FLG: variants seen among roughly 807,000 people sequenced by gnomAD.
FLG encodes the protein filaggrin.
FLG carries 6 observed loss-of-function variants against 3.8 expected under a neutral mutation model. That is an observed-to-expected ratio of 1.60 (90% CI 0.87 to 3.15). FLG has a LOEUF of 3.15. Ranked by LOEUF, FLG falls within the 30% of genes most tolerant of loss-of-function variation. The pLI, the probability that FLG is intolerant of heterozygous loss-of-function variation, is 0.00. For synonymous variants in FLG, 2,551 were observed against 1,931.6 expected (o/e 1.32, Z -8.41); for missense variants, 7,595 against 5,050.9 (o/e 1.50, Z -15.27).
chr1:152,314,352 A>G lies in FLG; in HGVS notation c.534T>C (p.His178=). The change falls in exon 3 of 3, where the codon CAT becomes CAC. Residue 178 remains histidine (H), a synonymous_variant. Coordinates refer to ENST00000368799, the MANE Select transcript of FLG (RefSeq NM_002016.2). The part of the protein sequence containing the change: ...HREEEYGKNH[H]NSSKKEKNKT... ...TGTTTTTCTCTTTTTTACTTGAGTT[A>G]TGATGGTTTTTTCCATATTCTTCTT... 6.2e-7 allele frequency: 1 copy of G among 1,612,312 alleles called. No individual in the cohort carries two copies. Among genetic ancestry groups the G allele is most frequent in the Non-Finnish European group, 8.5e-7 (1 of 1,179,438 alleles).
Position 152,314,026 on chromosome 1 carries a change from G to A in FLG, c.860C>T (p.Ser287Phe). Reference protein sequence around the residue: ...ENTSQVPLQESRTRKRRGSRV... With the variant: ...ENTSQVPLQEFRTRKRRGSRV... Reference sequence around the variant, plus strand: ...GGATCCCCTACGCTTTCTTGTCCTGGACTCCTGCAATGGTACCTGGCTTGT... The same window carrying A: ...GGATCCCCTACGCTTTCTTGTCCTGAACTCCTGCAATGGTACCTGGCTTGT... The change falls in exon 3 of 3, where the codon TCC (serine) becomes TTC (phenylalanine). Residue 287 changes from serine to phenylalanine, a missense_variant. Physicochemically the swap from Ser to Phe is radical, Grantham distance 155 (BLOSUM62 -2). Coordinates refer to ENST00000368799, the MANE Select transcript of FLG (RefSeq NM_002016.2). 6.2e-7 allele frequency: 1 copy of A among 1,614,110 alleles called. No homozygotes were observed. Among genetic ancestry groups the A allele is most frequent in the Non-Finnish European group, 8.5e-7 (1 of 1,180,010 alleles).
In FLG at chr1:152,308,552, C is replaced by A. The variant is rs780393149; in HGVS notation, c.6334G>T (p.Gly2112Ter). The A allele has an allele frequency of 5.6e-6, 9 of 1,613,936 alleles. No homozygotes were observed. The highest frequency in any genetic ancestry group is 1.7e-5 in the Admixed American group (1 of 59,984). Residue 2112 changes from glycine to a stop codon, truncating the protein, a stop_gained, in exon 3 of 3, where the codon GGA (glycine) becomes TGA (stop). Coordinates refer to ENST00000368799, the MANE Select transcript of FLG (RefSeq NM_002016.2). LOFTEE classifies it low-confidence loss of function (END_TRUNC). ...STHGQSAPST[G>*]GRQGSHYDQA... is the part of the protein sequence containing the mutation. ...TCATAATGGGATCCTTGTCTTCCTC[C>A]AGTGCTGGGCGCAGACTGTCCATGG...
Position 152,312,661 on chromosome 1 carries a change from G to A in FLG, c.2225C>T (p.Ser742Phe), listed in dbSNP as rs3120654. The part of the protein sequence containing the change: ...SAVRDSGHRG[S>F]SGSQATDSEG... ...ACTGTCAGTGGCCTGACTACCACTG[G>A]ACCCTCGGTGTCCACTGTCTCTGAC... The change falls in exon 3 of 3, where the codon TCC becomes TTC. Residue 742 changes from serine to phenylalanine, a missense_variant. Physicochemically the swap from Ser to Phe is radical, Grantham distance 155. Coordinates refer to ENST00000368799, the MANE Select transcript of FLG (RefSeq NM_002016.2). 2 of 1,613,688 alleles carry A rather than the reference G, an allele frequency of 1.2e-6. No homozygotes were observed. Among genetic ancestry groups the A allele is most frequent in the South Asian group, 2.2e-5 (2 of 91,068 alleles).
In FLG at chr1:152,309,925, C is replaced by G; in HGVS notation, c.4961G>C (p.Gly1654Ala). The G allele has an allele frequency of 3.1e-6, 5 of 1,614,112 alleles. No individual in the cohort carries two copies. The highest frequency in any genetic ancestry group is 3.3e-4 in the Middle Eastern group (2 of 6,062). Residue 1654 changes from glycine (G) to alanine (A), a missense_variant, in exon 3 of 3, where the codon GGC becomes GCC. Transcript: ENST00000368799. ...GHSAESSRQSGTRHAETSSGG... is the reference protein window; with the variant it reads ...GHSAESSRQSATRHAETSSGG... ...AGAGGAAGTCTCTGCATGACGAGTG[C>G]CTGATTGTCTGGAGCTCTCTGCAGA...
Position 152,304,671 on chromosome 1 carries a change from G to T in FLG, c.10215C>A (p.Thr3405=). The T allele has an allele frequency of 6.2e-7, 1 of 1,611,880 alleles. No homozygotes were observed. ...QSESAHGRTR[T]STGRRQGSHH... Reference sequence around the variant, plus strand: ...GGGATCCTTGTCTTCGTCCAGTGCTGGTCCTGGTCCGCCCATGGGCAGACT... The same window carrying T: ...GGGATCCTTGTCTTCGTCCAGTGCTTGTCCTGGTCCGCCCATGGGCAGACT... The change falls in exon 3 of 3, where the codon ACC becomes ACA. Residue 3405 remains threonine (T), a synonymous_variant. Coordinates refer to ENST00000368799, the MANE Select transcript of FLG (RefSeq NM_002016.2).
Position 152,313,490 on chromosome 1 carries a change from C to G in FLG, c.1396G>C (p.Gly466Arg). The stretch of plus-strand genomic sequence containing the variant: ...GTGCTCACCTGGTAGAGGGAAGACC[C>G]TGAACGTCCAGACCGTTCCCCTGAC... ...GRSGERSGRS[G>R]SSLYQVSTHE... Residue 466 changes from glycine (G) to arginine (R), a missense_variant, in exon 3 of 3, where the codon GGG (glycine) becomes CGG (arginine). By Grantham distance (125) the Gly-to-Arg change is moderately radical (BLOSUM62 -2). Coordinates refer to ENST00000368799, the MANE Select transcript of FLG (RefSeq NM_002016.2). The G allele has an allele frequency of 6.2e-7, 1 of 1,613,880 alleles. No individual in the cohort carries two copies.
rs151027314 is a variant in FLG at position 152,304,641 on chromosome 1, G to A, written c.10245C>T (p.His3415=). The part of the protein sequence containing the change: ...TSTGRRQGSH[H]EQARDSSRHS... Reference sequence around the variant, plus strand: ...GCCTGGAGCTGTCTCGTGCCTGCTCGTGGTGGGATCCTTGTCTTCGTCCAG... The same window carrying A: ...GCCTGGAGCTGTCTCGTGCCTGCTCATGGTGGGATCCTTGTCTTCGTCCAG... The change falls in exon 3 of 3, where the codon CAC becomes CAT. Residue 3415 remains histidine, a synonymous_variant. Coordinates refer to ENST00000368799, the MANE Select transcript of FLG (RefSeq NM_002016.2). 7.6e-5 allele frequency: 122 copies of A among 1,612,502 alleles called. 6 individuals are homozygous for A. The East Asian group carries it at 1.3e-3, about 17-fold the overall frequency.
Position 152,303,370 on chromosome 1 carries a change from C to T in FLG, c.11516G>A (p.Ser3839Asn). 6.2e-7 allele frequency: 1 copy of T among 1,614,168 alleles called. No individual in the cohort carries two copies. The highest frequency in any genetic ancestry group is 8.5e-7 in the Non-Finnish European group (1 of 1,180,022). The change falls in exon 3 of 3, where the codon AGC (serine) becomes AAC (asparagine). Residue 3839 changes from serine to asparagine, a missense_variant. Transcript: ENST00000368799. Reference sequence around the variant, plus strand: ...CTGGCCGGACTGTGAGTGTCTAGAGCTGTCAGCCTGAGTGGAAGCTTCATG... The same window carrying T: ...CTGGCCGGACTGTGAGTGTCTAGAGTTGTCAGCCTGAGTGGAAGCTTCATG... ...RHHEASTQAD[S>N]SRHSQSGQGE...
chr1:152,303,629 C>A lies in FLG; in HGVS notation c.11257G>T (p.Glu3753Ter), dbSNP rs1285530140. The A allele has an allele frequency of 2.5e-6, 4 of 1,613,656 alleles. No homozygotes were observed. The highest frequency in any genetic ancestry group is 1.3e-5 in the African/African-American group (1 of 74,798). Residue 3753 changes from glutamate to a stop codon, truncating the protein, a stop_gained, in exon 3 of 3, where the codon GAG becomes TAG. Transcript: ENST00000368799. LOFTEE classifies it low-confidence loss of function (END_TRUNC). ...TGTCCACGAATGGTGTCCTGACCCT[C>A]TTGGGACGCTGAGTGCCTGGAGCTG... is the stretch of plus-strand genomic sequence containing the variant. ...RDSSRHSASQ[E>*]GQDTIRGHPG...
At position 152,312,596 on chromosome 1, in the gene FLG, C is replaced by G. The variant is rs747157296; in HGVS notation, c.2290G>C (p.Gly764Arg). The change falls in exon 3 of 3, where the codon GGC becomes CGC. Residue 764 changes from glycine (G) to arginine (R), a missense_variant. Physicochemically the swap from Gly to Arg is moderately radical, Grantham distance 125. Transcript: ENST00000368799. The part of the protein sequence containing the change: ...SEDSDTQSVS[G>R]HGQAGHHQQS... ...TGATGGTGACCAGCCTGTCCATGGC[C>G]TGACACTGACTGTGTGTCTGAGTCT... 1.2e-6 allele frequency: 2 copies of G among 1,613,500 alleles called. No individual in the cohort carries two copies. The highest frequency in any genetic ancestry group is 8.5e-7 in the Non-Finnish European group (1 of 1,179,874).
At position 152,311,503 on chromosome 1, in the gene FLG, T is replaced by A. The variant is rs764056951; in HGVS notation, c.3383A>T (p.Glu1128Val). 21 of 1,613,812 alleles carry A rather than the reference T, an allele frequency of 1.3e-5. No homozygotes were observed. The South Asian group carries it at 2.0e-4, about 15-fold the overall frequency. ...IYQVSTHEQS[E>V]SAHGRTRTST... The stretch of plus-strand genomic sequence containing the variant: ...GGTCCTGGTCCGCCCATGGGCAGAC[T>A]CAGACTGTTCATGAGTGCTCACCTG... Residue 1128 changes from glutamate (E) to valine (V), a missense_variant, in exon 3 of 3, where the codon GAG (glutamate) becomes GTG (valine). By Grantham distance (121) the Glu-to-Val change is moderately radical. Coordinates refer to ENST00000368799, the MANE Select transcript of FLG (RefSeq NM_002016.2).
Position 152,310,211 on chromosome 1 carries a change from A to T in FLG, c.4675T>A (p.Ser1559Thr), listed in dbSNP as rs201799900. ...QSGDGSRHSGSRHHEPSTRAG... is the reference protein window; with the variant it reads ...QSGDGSRHSGTRHHEPSTRAG... ...CGAGTGGAAGGTTCATGGTGACGTGACCCTGAGTGCCTGGAGCCGTCTCCT... is the reference window on the plus strand; with the variant it reads ...CGAGTGGAAGGTTCATGGTGACGTGTCCCTGAGTGCCTGGAGCCGTCTCCT... The change falls in exon 3 of 3, where the codon TCA becomes ACA. Residue 1559 changes from serine (S) to threonine (T), a missense_variant. Physicochemically the swap from Ser to Thr is moderately conservative, Grantham distance 58 (BLOSUM62 1). Transcript: ENST00000368799. 1.2e-6 allele frequency: 2 copies of T among 1,613,102 alleles called. No homozygotes were observed. The highest frequency in any genetic ancestry group is 2.2e-5 in the East Asian group (1 of 44,788).
rs150630644 is a variant in FLG, at chr1:152,302,748, C to T, written c.12138G>A (p.Ser4046=). ...GTGACTGACTAAATCCCAGTTGTTT[C>T]GATATATCACTAGAATGGCCACATA... The part of the protein sequence containing the change: ...PGLCGHSSDI[S]KQLGFSQSQR... Residue 4046 remains serine, a synonymous_variant, in exon 3 of 3, where the codon TCG becomes TCA. Transcript: ENST00000368799. 38 of 1,614,008 alleles carry T rather than the reference C, an allele frequency of 2.4e-5. 1 individual carries two copies. The Middle Eastern group carries it at 6.6e-4, about 28-fold the overall frequency.
Position 152,314,528 on chromosome 1 carries a change from C to G in FLG, c.358G>C (p.Glu120Gln). The G allele has an allele frequency of 6.2e-7, 1 of 1,612,956 alleles. No individual in the cohort carries two copies. Among genetic ancestry groups the G allele is most frequent in the Non-Finnish European group, 8.5e-7 (1 of 1,179,740 alleles). Residue 120 changes from glutamate (E) to glutamine (Q), a missense_variant, in exon 3 of 3, where the codon GAA becomes CAA. Glu to Gln is a conservative substitution (Grantham distance 29, BLOSUM62 2). Transcript: ENST00000368799. ...AGACTTGAGGGTCTTTTTCTGTTTT[C>G]TTTGTTTTCTTCCTGTTTATTATCT... ...HEDNKQEENKENRKRPSSLER... is the reference protein window; with the variant it reads ...HEDNKQEENKQNRKRPSSLER...
chr1:152,308,425 T>C lies in FLG; in HGVS notation c.6461A>G (p.Gln2154Arg), dbSNP rs150393126. 7.4e-5 allele frequency: 120 copies of C among 1,613,768 alleles called. No individual in the cohort carries two copies. The highest frequency in any genetic ancestry group is 9.2e-5 in the Non-Finnish European group (109 of 1,179,916). ...PSRGGRQGSH[Q>R]EQSVDRSGHS... ...TCCAGACCTATCTACCGATTGCTCT[T>C]GGTGGGACCCCTGTCTTCCTCCTCT... The change falls in exon 3 of 3, where the codon CAA becomes CGA. Residue 2154 changes from glutamine (Q) to arginine (R), a missense_variant. Physicochemically the swap from Gln to Arg is conservative, Grantham distance 43 (BLOSUM62 1). Transcript: ENST00000368799.
rs775644698 is a variant in FLG, at chr1:152,311,808, T to C, written c.3078A>G (p.Arg1026=). ...GQAASSHEQA[R]SSPGERHGSR... ...ATCCGTGTCTTTCTCCTGGACTTGA[T>C]CTTGCCTGTTCATGGGATGACGCAG... is the stretch of plus-strand genomic sequence containing the variant. Residue 1026 remains arginine (R), a synonymous_variant, in exon 3 of 3, where the codon AGA becomes AGG. Coordinates refer to ENST00000368799, the MANE Select transcript of FLG (RefSeq NM_002016.2). The C allele has an allele frequency of 6.2e-7, 1 of 1,613,918 alleles. No homozygotes were observed. Among genetic ancestry groups the C allele is most frequent in the East Asian group, 2.2e-5 (1 of 44,870 alleles).
At position 152,307,556 on chromosome 1, in the gene FLG, T is replaced by C. The variant is rs71625200; in HGVS notation, c.7330A>G (p.Lys2444Glu). The C allele has an allele frequency of 0.2, 323,975 of 1,613,026 alleles. 42,524 individuals carry two copies. The highest frequency in any genetic ancestry group is 0.61 in the East Asian group (27,093 of 44,708). ...TGCCTGGAGCTGTCTCGTGCCTGCT[T>C]GTGGTGGGATCCTTGTCTTCCTCCA... is the stretch of plus-strand genomic sequence containing the variant. ...STGGRQGSHH[K>E]QARDSSRHST... The change falls in exon 3 of 3, where the codon AAG (lysine) becomes GAG (glutamate). Residue 2444 changes from lysine (K) to glutamate (E), a missense_variant. Lys to Glu is a moderately conservative substitution (Grantham distance 56, BLOSUM62 1). Transcript: ENST00000368799.
In FLG at chr1:152,303,755, G is replaced by C. The variant is rs779813285; in HGVS notation, c.11131C>G (p.Leu3711Val). 6.2e-7 allele frequency: 1 copy of C among 1,613,904 alleles called. No homozygotes were observed. The highest frequency in any genetic ancestry group is 8.5e-7 in the Non-Finnish European group (1 of 1,179,936). Residue 3711 changes from leucine (L) to valine (V), a missense_variant, in exon 3 of 3, where the codon CTC (leucine) becomes GTC (valine). Transcript: ENST00000368799. ...TGTTCATGAGTGCTCACCTGGTAGA[G>C]GAAAGACCCTGAACGTCCAGACCTT... is the stretch of plus-strand genomic sequence containing the variant. Reference protein sequence around the residue: ...AGRSGRSGSFLYQVSTHEQSE... With the variant: ...AGRSGRSGSFVYQVSTHEQSE...
rs1652200297 is a variant in FLG, at chr1:152,309,096, G to C, written c.5790C>G (p.Asp1930Glu). Reference protein sequence around the residue: ...QDSDSQGHSEDSERWSGSASR... With the variant: ...QDSDSQGHSEESERWSGSASR... ...AAGCAGACCCAGACCACCTCTCAGA[G>C]TCTTCTGAGTGTCCCTGACTGTCAC... The change falls in exon 3 of 3, where the codon GAC (aspartate) becomes GAG (glutamate). Residue 1930 changes from aspartate (D) to glutamate (E), a missense_variant. Physicochemically the swap from Asp to Glu is conservative, Grantham distance 45. Coordinates refer to ENST00000368799, the MANE Select transcript of FLG (RefSeq NM_002016.2). 6.2e-7 allele frequency: 1 copy of C among 1,614,154 alleles called. No homozygotes were observed. The highest frequency in any genetic ancestry group is 1.7e-5 in the Admixed American group (1 of 60,032).
Sources: gnomAD v4.1 joint callset for allele counts on GRCh38, gnomAD v4.1.1 for gene constraint, MANE v1.5 for transcripts, NCBI Gene and HGNC (gene_info 2026-07-23, HGNC 2026-07-21) for gene names.